PPP3CA: variants seen among roughly 807,000 people sequenced by gnomAD.
The protein encoded by PPP3CA is CAM-PRP catalytic subunit.
PPP3CA carries 14 observed loss-of-function variants against 66.5 expected under a neutral mutation model. That is an observed-to-expected ratio of 0.21 (90% confidence interval 0.14 to 0.33). The LOEUF (loss-of-function observed/expected upper bound fraction) is 0.33, where lower values mean the gene tolerates loss of function less well. Ranked by LOEUF, PPP3CA falls within the 10% of genes least tolerant of loss-of-function variation. The probability of loss-of-function intolerance (pLI) is 1.00; values close to 1 mark genes in which losing one functional copy is unlikely to be tolerated. For synonymous variants in PPP3CA, 232 were observed against 226.2 expected (o/e 1.03, Z -0.23); for missense variants, 317 against 639.5 (o/e 0.50, Z 5.44).
At chr4:101,133,325 G>A (rs1294896905) in intron 2 of PPP3CA, among the ~76,000 whole-genome samples, 2 of 152,256 alleles carry the variant, frequency 1.3e-5, no homozygotes, top group East Asian at 1.9e-4. Context: ...GTTGGCTGAC[G>A]ACAAGATTGT....
chr4:101,126,420 C>A (rs976812125), intron 2 of PPP3CA, among the ~76,000 whole-genome samples: 1 of 152,174 alleles, frequency 6.6e-6, no homozygotes, highest in South Asian at 2.1e-4. Flanking sequence ...TTCCATATTT[C>A]TCTTTCCACA....
At chr4:101,193,583 C>T (rs573377165) in intron 2 of PPP3CA, among the ~76,000 whole-genome samples, 29 of 152,208 alleles carry the variant, frequency 1.9e-4, no homozygotes, top group Admixed American at 2.0e-4. Context: ...ACGCTAAATC[C>T]GCTTTGTGAG....
At chr4:101,309,569 T>C (rs780089096) in intron 1 of PPP3CA, among the ~76,000 whole-genome samples, 5 of 152,268 alleles carry the variant, frequency 3.3e-5, no homozygotes, top group South Asian at 2.1e-4. Context: ...TTCTTAAACA[T>C]GGACAATTGG....
At chr4:101,155,987 G>A (rs1350448483) in intron 2 of PPP3CA, among the ~76,000 whole-genome samples, 5 of 152,144 alleles carry the variant, frequency 3.3e-5, no homozygotes, top group Admixed American at 2.6e-4. Flanking sequence ...GGTAGACAGG[G>A]ACCCTTACAT....
intron 1 of PPP3CA, chr4:101,330,219 A>C: frequency 2.4e-6 from 1 of 417,172 alleles, no homozygotes. Context: ...GTAACTGCAT[A>C]TGTGGTAGAA....
chr4:101,108,713 T>C (rs546151255), intron 3 of PPP3CA, among the ~76,000 whole-genome samples: 1 of 152,246 alleles, frequency 6.6e-6, no homozygotes, highest in African/African-American at 2.4e-5. Flanking sequence ...TTCTGCTCAC[T>C]AGCAGAGATC....
intron 1 of PPP3CA, among the ~76,000 whole-genome samples, chr4:101,276,226 C>A (rs924038660): frequency 3.3e-5 from 5 of 151,940 alleles, no homozygotes; most frequent in African/African-American, 1.2e-4. Flanking sequence ...ATTACGGAAA[C>A]CTGCCCATAT....
At chr4:101,305,287 C>G (rs1185843050) in intron 1 of PPP3CA, among the ~76,000 whole-genome samples, 1 of 152,162 alleles carries the variant, frequency 6.6e-6, no homozygotes, top group Non-Finnish European at 1.5e-5. Context: ...CGACTGAAAA[C>G]TGAAATATTT....
chr4:101,186,066 T>C (rs1272935075), intron 2 of PPP3CA, among the ~76,000 whole-genome samples: 1 of 152,204 alleles, frequency 6.6e-6, no homozygotes, highest in Non-Finnish European at 1.5e-5. Context: ...TTATATTGTT[T>C]TGACGCATGA....
chr4:101,291,162 G>C (rs551230741), intron 1 of PPP3CA, among the ~76,000 whole-genome samples: 1 of 152,068 alleles, frequency 6.6e-6, no homozygotes, highest in Non-Finnish European at 1.5e-5. Context: ...GTTACTTAGC[G>C]TAATTAGAAC....
chr4:101,310,849 TGG>T (rs1728699217), intron 1 of PPP3CA, among the ~76,000 whole-genome samples: 1 of 152,208 alleles, frequency 6.6e-6, no homozygotes, highest in African/African-American at 2.4e-5. Flanking sequence ...TAAATGTACT[TGG>T]CAATTCACCT....
intron 2 of PPP3CA, among the ~76,000 whole-genome samples, chr4:101,153,718 G>A (rs1282582525): frequency 2.0e-5 from 3 of 152,082 alleles, no homozygotes; most frequent in South Asian, 4.1e-4. Flanking sequence ...GCTCCCACAG[G>A]TTATCTACCT....
intron 5 of PPP3CA, among the ~76,000 whole-genome samples, chr4:101,095,543 G>A (rs901683108): frequency 6.6e-6 from 1 of 152,102 alleles, no homozygotes; most frequent in Non-Finnish European, 1.5e-5. Context: ...GTAAGTCCTA[G>A]GGATATTAGG....
chr4:101,030,974 AGTT>A (rs1428661583), intron 12 of PPP3CA, among the ~76,000 whole-genome samples: 8 of 151,648 alleles, frequency 5.3e-5, no homozygotes, highest in Non-Finnish European at 7.4e-5. Context: ...TTTTTTTTAA[AGTT>A]GTTAAAATAA....
intron 2 of PPP3CA, among the ~76,000 whole-genome samples, chr4:101,189,566 T>C (rs963783415): frequency 7.9e-5 from 12 of 151,504 alleles, no homozygotes; most frequent in South Asian, 6.2e-4. Flanking sequence ...CATAGTAAGA[T>C]AGACAATTTC....
intron 10 of PPP3CA, 55 bp downstream of exon 10, chr4:101,061,032 G>T: frequency 7.2e-7 from 1 of 1,384,488 alleles, no homozygotes; most frequent in South Asian, 1.2e-5. Context: ...TTAGCAATGA[G>T]ACTCTAAGTA....
intron 2 of PPP3CA, among the ~76,000 whole-genome samples, chr4:101,184,804 GA>G (rs1223587047): frequency 3.9e-5 from 6 of 152,056 alleles, no homozygotes; most frequent in Non-Finnish European, 8.8e-5. Context: ...AAGGTCCAAA[GA>G]ATGCTAATTA....
At chr4:101,084,204 T>G (rs1729560427) in intron 6 of PPP3CA, among the ~76,000 whole-genome samples, 1 of 152,182 alleles carries the variant, frequency 6.6e-6, no homozygotes, top group Admixed American at 6.5e-5. Context: ...TTGAAAACAT[T>G]CATCAATTAT....
At chr4:101,265,859 G>C (rs1241943454) in intron 1 of PPP3CA, among the ~76,000 whole-genome samples, 1 of 152,108 alleles carries the variant, frequency 6.6e-6, no homozygotes, top group African/African-American at 2.4e-5. Flanking sequence ...TCATGTAATA[G>C]AGGGGAATAA....
Sources: allele counts gnomAD v4.1 joint callset (sites outside exome capture counted in the v4.1 genomes callset), GRCh38; gene constraint gnomAD v4.1.1; transcripts MANE v1.5; gene names NCBI Gene and HGNC (gene_info 2026-07-23, HGNC 2026-07-21).